TNFRSF10D: variants seen among roughly 807,000 people sequenced by gnomAD.
TNFRSF10D encodes TNF receptor superfamily member 10d, also known as tumor necrosis factor receptor superfamily member 10D.
In TNFRSF10D, 28 loss-of-function variants were observed where a neutral mutation model predicts 42.1. The ratio of observed to expected loss-of-function variants is 0.66; its 90% CI spans 0.49 to 0.91. The LOEUF (loss-of-function observed/expected upper bound fraction) is 0.91, where lower values mean the gene tolerates loss of function less well. Ranked by LOEUF, TNFRSF10D falls within the 40% of genes least tolerant of loss-of-function variation. TNFRSF10D has a pLI of 0.00. For missense variants in TNFRSF10D, 503 were observed against 486.1 expected (o/e 1.03, Z -0.33); for synonymous variants, 186 against 189.4 (o/e 0.98, Z 0.15).
At chr8:23,148,064 C>CA (rs555153589) in intron 3 of TNFRSF10D, among the ~76,000 whole-genome samples, 14,723 of 49,166 alleles carry the variant, frequency 0.3, 2,635 homozygotes, top group Non-Finnish European at 0.35. Flanking sequence ...GACTCCGTCT[C>CA]CCAAAAAAAA....
chr8:23,156,265 A>C (rs998225036), intron 1 of TNFRSF10D, among the ~76,000 whole-genome samples: 1 of 150,514 alleles, frequency 6.6e-6, no homozygotes, highest in South Asian at 2.1e-4. Flanking sequence ...TTAATTGTAA[A>C]TTTACATTTA....
At chr8:23,146,219 C>T (rs547330779) in intron 4 of TNFRSF10D, among the ~76,000 whole-genome samples, 4 of 152,298 alleles carry the variant, frequency 2.6e-5, no homozygotes, top group Middle Eastern at 3.4e-3. Flanking sequence ...TTAGGAGGAG[C>T]CGCACTCCAG....
At chr8:23,159,068 A>T (rs1378861481) in intron 1 of TNFRSF10D, among the ~76,000 whole-genome samples, 1 of 151,986 alleles carries the variant, frequency 6.6e-6, no homozygotes, top group Non-Finnish European at 1.5e-5. Flanking sequence ...TTCTGCTTGT[A>T]TTCCTTCACA....
chr8:23,160,804 T>C lies in TNFRSF10D; in HGVS notation c.150+2982A>G, dbSNP rs571997178. ...GGGTGAGCAGCCATCTGCAGCCACC[T>C]GGATGGAGACCTTTCCTGCTCATCT... On this transcript the variant is annotated intron_variant, in intron 1 of 8. Transcript: ENST00000312584. Among the ~76,000 whole-genome samples the C allele has an allele frequency of 2.0e-5, 3 of 152,378 alleles. No homozygotes were observed. The East Asian group carries it at 5.8e-4, about 29-fold the overall frequency.
intron 2 of TNFRSF10D, among the ~76,000 whole-genome samples, chr8:23,148,997 T>C (rs907257510): frequency 6.0e-4 from 91 of 151,740 alleles, no homozygotes; most frequent in African/African-American, 1.8e-3. Flanking sequence ...GAGACCATCC[T>C]GGCTAACACA....
At chr8:23,141,853 T>G (rs948021887) in intron 7 of TNFRSF10D, among the ~76,000 whole-genome samples, 7 of 152,256 alleles carry the variant, frequency 4.6e-5, no homozygotes, top group Admixed American at 1.3e-4. Flanking sequence ...AAGGATCATT[T>G]ATATACTTTT....
At position 23,147,091 on chromosome 8, in the gene TNFRSF10D, G is replaced by C. The variant is rs371077309; in HGVS notation, c.371-19C>G. 3.1e-5 allele frequency: 50 copies of C among 1,604,284 alleles called. No individual in the cohort carries two copies. Among genetic ancestry groups the C allele is most frequent in the Non-Finnish European group, 4.2e-5 (49 of 1,171,442 alleles). Reference sequence around the variant, plus strand: ...GTTTGACCTGACAACAGAGCATAAGGTTTTGAGAATGTGTTTCCCTGACAT... The same window carrying C: ...GTTTGACCTGACAACAGAGCATAAGCTTTTGAGAATGTGTTTCCCTGACAT... On this transcript the variant is annotated intron_variant, in intron 3 of 8. Coordinates refer to ENST00000312584, the MANE Select transcript of TNFRSF10D (RefSeq NM_003840.5).
chr8:23,146,767 G>C (rs1455565098), intron 4 of TNFRSF10D, among the ~76,000 whole-genome samples, 194 bp downstream of exon 4: 1 of 151,888 alleles, frequency 6.6e-6, no homozygotes, highest in Non-Finnish European at 1.5e-5. Flanking sequence ...ATGGGAAGGG[G>C]CTGCTGCAGG....
chr8:23,155,597 T>C (rs762017594), intron 1 of TNFRSF10D, among the ~76,000 whole-genome samples: 2 of 151,568 alleles, frequency 1.3e-5, no homozygotes, highest in Non-Finnish European at 2.9e-5. Flanking sequence ...CGGGCACCTG[T>C]AACCCCAGCT....
At chr8:23,141,021 C>T (rs907544797) in intron 7 of TNFRSF10D, among the ~76,000 whole-genome samples, 6 of 152,116 alleles carry the variant, frequency 3.9e-5, no homozygotes, top group African/African-American at 9.7e-5. Context: ...CACAAATTAA[C>T]TCAAGGTAGA....
intron 7 of TNFRSF10D, among the ~76,000 whole-genome samples, chr8:23,140,036 T>C (rs1420983023): frequency 6.6e-6 from 1 of 152,124 alleles, no homozygotes; most frequent in Non-Finnish European, 1.5e-5. Flanking sequence ...ACGCCTGTAA[T>C]CTCAGCACTT....
Position 23,148,991 on chromosome 8 carries a change from C to A in TNFRSF10D, c.257-440G>T, listed in dbSNP as rs372700876. 3.4e-3 allele frequency among the ~76,000 whole-genome samples: 521 copies of A among 151,472 alleles called. 6 individuals carry two copies. The highest frequency in any genetic ancestry group is 0.012 in the African/African-American group (494 of 41,324). ...GAATCACGAGGTCAGGAGATCGAGACCATCCTGGCTAACACAGTGAAACCC... is the reference window on the plus strand; with the variant it reads ...GAATCACGAGGTCAGGAGATCGAGAACATCCTGGCTAACACAGTGAAACCC... On this transcript the variant is annotated intron_variant, in intron 2 of 8. Coordinates refer to ENST00000312584, the MANE Select transcript of TNFRSF10D (RefSeq NM_003840.5).
At chr8:23,157,436 G>T (rs1455380053) in intron 1 of TNFRSF10D, among the ~76,000 whole-genome samples, 1 of 152,120 alleles carries the variant, frequency 6.6e-6, no homozygotes, top group African/African-American at 2.4e-5. Flanking sequence ...ATTAAGTTTA[G>T]AGGTCATATC....
chr8:23,152,643 G>A (rs1418798464), intron 2 of TNFRSF10D, among the ~76,000 whole-genome samples: 1 of 152,214 alleles, frequency 6.6e-6, no homozygotes, highest in Admixed American at 6.5e-5. Flanking sequence ...TGTCAAGGCA[G>A]CAACTCTTTT....
chr8:23,159,779 C>T (rs1169793048), intron 1 of TNFRSF10D, among the ~76,000 whole-genome samples: 2 of 152,154 alleles, frequency 1.3e-5, no homozygotes, highest in Non-Finnish European at 2.9e-5. Context: ...AGGAGAATCG[C>T]TTGAATCTGG....
In TNFRSF10D at chr8:23,135,845, G is replaced by T. The variant is rs1231538991; in HGVS notation, c.*2025C>A. The T allele has an allele frequency of 4.5e-6, 2 of 449,202 alleles. No individual in the cohort carries two copies. The highest frequency in any genetic ancestry group is 1.4e-4 in the East Asian group (2 of 14,340). The allele number at this position is 449,202 out of a possible 1,614,324, so 27.8% of individuals were successfully genotyped here. On this transcript the variant is annotated 3_prime_UTR_variant, in exon 9 of 9. Transcript: ENST00000312584. ...GGGACAAAGGAGCTGGGACCGGACT[G>T]GCTCTCTCTGAGCTTTGAGACCAAG...
chr8:23,147,359 C>T (rs1475065124), intron 3 of TNFRSF10D, among the ~76,000 whole-genome samples: 1 of 152,224 alleles, frequency 6.6e-6, no homozygotes, highest in Non-Finnish European at 1.5e-5. Context: ...ACCTGAGAGA[C>T]TCTGCAAGGA....
rs1422059657 is a variant in TNFRSF10D at position 23,136,846 on chromosome 8, G to A, written c.*1024C>T. The stretch of plus-strand genomic sequence containing the variant: ...GGCTATATACCTCTAAAATTAACAA[G>A]TAAGACAAGCTGCCCCTTGAGAAGC... On this transcript the variant is annotated 3_prime_UTR_variant, in exon 9 of 9. Coordinates refer to ENST00000312584, the MANE Select transcript of TNFRSF10D (RefSeq NM_003840.5). The A allele has an allele frequency of 1.3e-5, 2 of 151,692 alleles. No individual in the cohort carries two copies. Among genetic ancestry groups the A allele is most frequent in the Non-Finnish European group, 2.9e-5 (2 of 67,918 alleles). The allele number at this position is 151,692 out of a possible 1,614,324, so 9.4% of individuals were successfully genotyped here. A position where few individuals can be genotyped will look rare whatever the true frequency, so the allele number is the denominator to read the frequency against.
chr8:23,163,906 G>C lies in TNFRSF10D; in HGVS notation c.30C>G (p.Thr10=), dbSNP rs1041880416. The stretch of plus-strand genomic sequence containing the variant: ...AGCGCCCTGCTCGAGCGCTCGAGGC[G>C]GTCGGGACGCTTTGTCCCCAAAGTC... MGLWGQSVP[T]ASSARAGRYP... is the part of the protein sequence containing the mutation. Residue 10 remains threonine (T), a synonymous_variant, in exon 1 of 9, where the codon ACC becomes ACG. Coordinates refer to ENST00000312584, the MANE Select transcript of TNFRSF10D (RefSeq NM_003840.5). 6.3e-7 allele frequency: 1 copy of C among 1,585,916 alleles called. No individual in the cohort carries two copies. The highest frequency in any genetic ancestry group is 8.5e-7 in the Non-Finnish European group (1 of 1,169,872).
Sources: gnomAD v4.1 joint callset for allele counts (sites outside exome capture counted in the v4.1 genomes callset) on GRCh38, gnomAD v4.1.1 for gene constraint, MANE v1.5 for transcripts, NCBI Gene and HGNC (gene_info 2026-07-23, HGNC 2026-07-21) for gene names.